Variants in AGO2 observed in about 807,000 individuals in gnomAD.
AGO2 encodes protein argonaute-2.
AGO2 carries 5 observed loss-of-function variants against 102.3 expected under a neutral mutation model. That is an observed-to-expected ratio of 0.05 (90% CI 0.03 to 0.10). AGO2 has a LOEUF of 0.10. Among genes scored for constraint, AGO2 ranks in the 10% least tolerant of loss-of-function variants. The pLI is 1.00. For missense variants in AGO2, 541 were observed against 1,183.7 expected (o/e 0.46, Z 7.97); for synonymous variants, 449 against 473.1 (o/e 0.95, Z 0.66).
intron 1 of AGO2, among the ~76,000 whole-genome samples, chr8:140,608,833 G>A (rs570336578): frequency 6.6e-6 from 1 of 152,302 alleles, no homozygotes; most frequent in East Asian, 1.9e-4. Flanking sequence ...ACAGCATCCT[G>A]GTAATGTCTG....
intron 12 of AGO2, among the ~76,000 whole-genome samples, chr8:140,548,489 G>A (rs1371496912): frequency 1.3e-5 from 2 of 152,118 alleles, no homozygotes; most frequent in Non-Finnish European, 2.9e-5. Context: ...CGCTATTCCT[G>A]GTCTCTTTCA....
rs947707305 is a variant in AGO2, at chr8:140,589,498, G to A, written c.23-4187C>T. On this transcript the variant is annotated intron_variant, in intron 1 of 18. Transcript: ENST00000220592. The surrounding 1 kb of genome is among the most constrained non-coding windows in gnomAD (Gnocchi z 4.2). ...AGTGCTCAGCACCCATGAATCAGGG[G>A]ATGTAAACGGTTAAACATCTGCCAC... Among the ~76,000 whole-genome samples the A allele has an allele frequency of 6.6e-6, 1 of 152,148 alleles. No homozygotes were observed. Among genetic ancestry groups the A allele is most frequent in the East Asian group, 1.9e-4 (1 of 5,188 alleles).
chr8:140,638,903 A>T (rs2074425815), upstream of AGO2, among the ~76,000 whole-genome samples: 1 of 152,064 alleles, frequency 6.6e-6, no homozygotes, highest in Non-Finnish European at 1.5e-5. Context: ...GTATTTTTCT[A>T]GACAGGGTCT....
intron 18 of AGO2, 50 bp downstream of exon 18, chr8:140,532,366 C>T (rs375345908): frequency 2.3e-5 from 36 of 1,565,990 alleles, no homozygotes; most frequent in Non-Finnish European, 2.9e-5. Flanking sequence ...TGCCAATACC[C>T]GTGGCAAAAA....
At chr8:140,536,621 G>A (rs988241960) in intron 16 of AGO2, among the ~76,000 whole-genome samples, 3 of 152,174 alleles carry the variant, frequency 2.0e-5, no homozygotes, top group Non-Finnish European at 2.9e-5. Flanking sequence ...CAGCGCATCC[G>A]GCCCTAATAT....
chr8:140,608,513 C>T (rs1293447647), intron 1 of AGO2, among the ~76,000 whole-genome samples: 2 of 152,240 alleles, frequency 1.3e-5, no homozygotes, highest in Non-Finnish European at 2.9e-5. Flanking sequence ...CTGAGCTGCC[C>T]GCAGCCGGCA....
chr8:140,609,949 G>A (rs1057021288), intron 1 of AGO2, among the ~76,000 whole-genome samples: 4 of 150,820 alleles, frequency 2.7e-5, no homozygotes, highest in African/African-American at 7.3e-5. Flanking sequence ...ATCCCAGCAC[G>A]GTGGGAGCCC....
intron 3 of AGO2, among the ~76,000 whole-genome samples, chr8:140,565,073 G>T (rs1471110267): frequency 6.6e-6 from 1 of 152,048 alleles, no homozygotes; most frequent in Non-Finnish European, 1.5e-5. Flanking sequence ...GGCAGAGGTT[G>T]CAGTGAGCCG....
intron 1 of AGO2, among the ~76,000 whole-genome samples, chr8:140,614,774 G>A (rs73364307): frequency 0.04 from 6,164 of 152,268 alleles, 352 homozygotes; most frequent in African/African-American, 0.13. Context: ...AAAACGGGAG[G>A]ATGGCAGGAC....
At chr8:140,633,691 G>A (rs1481989196) in intron 1 of AGO2, among the ~76,000 whole-genome samples, 1 of 152,192 alleles carries the variant, frequency 6.6e-6, no homozygotes, top group Non-Finnish European at 1.5e-5. Context: ...TGTGGGTCTG[G>A]GTTATAGGGC....
rs180683383 is a variant in AGO2 at position 140,579,965 on chromosome 8, A to G, written c.215+5154T>C. 1.5e-3 allele frequency among the ~76,000 whole-genome samples: 236 copies of G among 152,338 alleles called. 3 individuals are homozygous for G. The highest frequency in any genetic ancestry group is 2.8e-4 in the Non-Finnish European group (19 of 68,016). On this transcript the variant is annotated intron_variant, in intron 2 of 18. Transcript: ENST00000220592. ...TTCTGGGGCCACTTGACGGAGCTCA[A>G]GACGAACAAGGAGGAAGAGGGGCAG...
chr8:140,532,362 T>C (rs1358891034), intron 18 of AGO2, 54 bp downstream of exon 18: 1 of 1,556,286 alleles, frequency 6.4e-7, no homozygotes, highest in South Asian at 1.1e-5. Context: ...CAGCTGCCAA[T>C]ACCCGTGGCA....
chr8:140,556,826 C>T (rs1002951506), intron 8 of AGO2, among the ~76,000 whole-genome samples: 4 of 152,146 alleles, frequency 2.6e-5, no homozygotes, highest in Middle Eastern at 3.2e-3. Flanking sequence ...GCACCTGCCT[C>T]GCGCTGCGGG....
chr8:140,577,835 T>A (rs1051289917), intron 2 of AGO2, among the ~76,000 whole-genome samples: 1 of 152,180 alleles, frequency 6.6e-6, no homozygotes, highest in Non-Finnish European at 1.5e-5. Flanking sequence ...CCGAGCCCCA[T>A]CCAGCACTCG....
Position 140,539,089 on chromosome 8 carries a change from C to G in AGO2, c.2169+231G>C, listed in dbSNP as rs1221665323. 6.6e-6 allele frequency among the ~76,000 whole-genome samples: 1 copy of G among 152,104 alleles called. No homozygotes were observed. The highest frequency in any genetic ancestry group is 1.5e-5 in the Non-Finnish European group (1 of 68,018). Reference sequence around the variant, plus strand: ...CTGCACTCTAGCCTGGGTGACAGAGCCAGACCCCATCTTAAAACCCTCCAA... The same window carrying G: ...CTGCACTCTAGCCTGGGTGACAGAGGCAGACCCCATCTTAAAACCCTCCAA... On this transcript the variant is annotated intron_variant, in intron 16 of 18. Transcript: ENST00000220592. The surrounding 1 kb of genome is among the most constrained non-coding windows in gnomAD (Gnocchi z 4.7).
intron 1 of AGO2, among the ~76,000 whole-genome samples, chr8:140,591,099 G>C (rs981424653): frequency 3.9e-5 from 6 of 152,222 alleles, no homozygotes; most frequent in African/African-American, 1.2e-4. Context: ...CCCCGGGTGG[G>C]GGCAGTCCTC....
intron 2 of AGO2, among the ~76,000 whole-genome samples, chr8:140,576,303 G>C (rs185543061): frequency 1.2e-4 from 18 of 152,322 alleles, no homozygotes; most frequent in Admixed American, 1.1e-3. Flanking sequence ...ATGACAGAGT[G>C]AGACTCTATC....
At chr8:140,535,055 C>T (rs1282389066) in intron 17 of AGO2, among the ~76,000 whole-genome samples, 1 of 152,216 alleles carries the variant, frequency 6.6e-6, no homozygotes, top group Non-Finnish European at 1.5e-5. Context: ...AGGCTGACTG[C>T]GCCAAGTGCT....
rs1184776991 is a variant in AGO2, at chr8:140,540,141, A to G, written c.2035-687T>C. On this transcript the variant is annotated intron_variant, in intron 15 of 18. Transcript: ENST00000220592. The surrounding 1 kb of genome is among the most constrained non-coding windows in gnomAD (Gnocchi z 5.0). ...AAACACACAAAAAACAAAGCAGCTCAGGCAGGCTCCAGCCAGAAGTGCTGG... is the reference window on the plus strand; with the variant it reads ...AAACACACAAAAAACAAAGCAGCTCGGGCAGGCTCCAGCCAGAAGTGCTGG... 6.6e-6 allele frequency among the ~76,000 whole-genome samples: 1 copy of G among 152,182 alleles called. No individual in the cohort carries two copies. The highest frequency in any genetic ancestry group is 1.5e-5 in the Non-Finnish European group (1 of 68,030).
Sources: allele counts gnomAD v4.1 joint callset (sites outside exome capture counted in the v4.1 genomes callset), GRCh38; gene constraint gnomAD v4.1.1; non-coding constraint Gnocchi (gnomAD v3.1); transcripts MANE v1.5; gene names NCBI Gene and HGNC (gene_info 2026-07-23, HGNC 2026-07-21).